Variants in SUPT3H observed in about 807,000 individuals in gnomAD.
SUPT3H encodes transcription initiation protein SPT3 homolog.
In SUPT3H, 44 loss-of-function variants were observed where a neutral mutation model predicts 44.3. That is an observed-to-expected ratio of 0.99 (90% CI 0.78 to 1.28). SUPT3H has a LOEUF of 1.28. Ranked by LOEUF, SUPT3H falls within the 50% of genes most tolerant of loss-of-function variation. The pLI is 0.00. For synonymous variants in SUPT3H, 124 were observed against 125.6 expected (o/e 0.99, Z 0.09); for missense variants, 380 against 387.1 (o/e 0.98, Z 0.15).
At chr6:44,930,560 GT>G (rs1414864849) in intron 10 of SUPT3H, among the ~76,000 whole-genome samples, 1 of 57,190 alleles carries the variant, frequency 1.7e-5, no homozygotes, top group Non-Finnish European at 2.9e-5. Flanking sequence ...GTGAGACTCC[GT>G]CTCAAAAAAA....
chr6:45,173,879 T>A (rs1584013232), intron 2 of SUPT3H, among the ~76,000 whole-genome samples: 2 of 152,354 alleles, frequency 1.3e-5, no homozygotes, highest in Middle Eastern at 6.8e-3. Context: ...AATTTTACAG[T>A]ACTGCTCACC....
At chr6:45,133,096 C>T (rs1287876078) in intron 2 of SUPT3H, among the ~76,000 whole-genome samples, 3 of 152,232 alleles carry the variant, frequency 2.0e-5, no homozygotes, top group African/African-American at 7.2e-5. Flanking sequence ...CAGTTATGAC[C>T]TTGACATGCT....
intron 2 of SUPT3H, among the ~76,000 whole-genome samples, chr6:45,174,583 T>C (rs942400724): frequency 2.6e-5 from 4 of 152,216 alleles, no homozygotes; most frequent in Admixed American, 6.5e-5. Context: ...CAATGCTAAC[T>C]GCTTAAAACA....
At chr6:44,848,819 T>C (rs1423230441) in intron 10 of SUPT3H, among the ~76,000 whole-genome samples, 3 of 152,208 alleles carry the variant, frequency 2.0e-5, no homozygotes, top group Admixed American at 1.3e-4. Flanking sequence ...CTAAATTTCG[T>C]GGTTCAATGA....
intron 2 of SUPT3H, among the ~76,000 whole-genome samples, chr6:45,180,427 AG>A (rs1448782327): frequency 2.7e-5 from 4 of 150,068 alleles, no homozygotes; most frequent in African/African-American, 9.8e-5. Context: ...CTAAGCCAAA[AG>A]AACAAAGCTG....
chr6:45,171,221 A>G (rs950110843), intron 2 of SUPT3H, among the ~76,000 whole-genome samples: 1 of 152,180 alleles, frequency 6.6e-6, no homozygotes, highest in Non-Finnish European at 1.5e-5. Context: ...ATGAAAACAA[A>G]TTTTTATTTG....
chr6:45,309,640 AG>A (rs1417495901), intron 2 of SUPT3H, among the ~76,000 whole-genome samples: 1 of 152,172 alleles, frequency 6.6e-6, no homozygotes. Context: ...ACATATAGGC[AG>A]GGAAAAAAAT....
intron 2 of SUPT3H, among the ~76,000 whole-genome samples, chr6:45,129,804 T>C (rs1281059924): frequency 6.6e-6 from 1 of 152,014 alleles, no homozygotes; most frequent in African/African-American, 2.4e-5. Flanking sequence ...TATTCTCTTT[T>C]GGGGGAATTT....
chr6:45,346,207 C>A (rs1790822106), intron 2 of SUPT3H, among the ~76,000 whole-genome samples: 1 of 151,964 alleles, frequency 6.6e-6, no homozygotes, highest in Non-Finnish European at 1.5e-5. Context: ...GATTCTCACT[C>A]TACTTATGTA....
At chr6:45,210,542 G>C (rs1763922901) in intron 2 of SUPT3H, among the ~76,000 whole-genome samples, 1 of 152,072 alleles carries the variant, frequency 6.6e-6, no homozygotes. Context: ...TGCCTTTCTG[G>C]ACAGAACTAA....
chr6:44,818,305 C>A (rs925862964), intron 11 of SUPT3H, among the ~76,000 whole-genome samples: 2 of 151,778 alleles, frequency 1.3e-5, no homozygotes, highest in African/African-American at 4.8e-5. Flanking sequence ...GTATTAATAC[C>A]ATATACAAAG....
At chr6:45,029,274 A>G (rs1786534503) in intron 3 of SUPT3H, among the ~76,000 whole-genome samples, 2 of 151,506 alleles carry the variant, frequency 1.3e-5, no homozygotes, top group Non-Finnish European at 1.5e-5. Context: ...GGCTATAATT[A>G]CCAGGATCTC....
At position 44,912,690 on chromosome 6, in the gene SUPT3H, A is replaced by G. The variant is rs548590754; in HGVS notation, c.912+19963T>C. 1.2e-4 allele frequency among the ~76,000 whole-genome samples: 19 copies of G among 152,298 alleles called. No individual in the cohort carries two copies. The Middle Eastern group carries it at 0.01, about 82-fold the overall frequency. On this transcript the variant is annotated intron_variant, in intron 10 of 10. Transcript: ENST00000371459. ...GTTCCCTTTACCTCTGGATTCCTAA[A>G]GCACCTAGAACCAATGATGTGAAGT...
At chr6:45,179,573 T>C (rs1812717111) in intron 2 of SUPT3H, among the ~76,000 whole-genome samples, 2 of 152,120 alleles carry the variant, frequency 1.3e-5, no homozygotes, top group East Asian at 1.9e-4. Context: ...GCTGGTTCAA[T>C]ATACGCAAAT....
chr6:45,171,296 T>C (rs536280295), intron 2 of SUPT3H, among the ~76,000 whole-genome samples: 1 of 152,330 alleles, frequency 6.6e-6, no homozygotes, highest in African/African-American at 2.4e-5. Context: ...TGTCATATTA[T>C]TTTCTAAAAT....
intron 2 of SUPT3H, among the ~76,000 whole-genome samples, chr6:45,353,587 A>C (rs1414184324): frequency 6.6e-6 from 1 of 152,106 alleles, no homozygotes; most frequent in Non-Finnish European, 1.5e-5. Context: ...AAGAAAAATT[A>C]TTCTAACTTA....
chr6:44,853,818 G>T (rs1232004101), intron 10 of SUPT3H, among the ~76,000 whole-genome samples: 6 of 151,996 alleles, frequency 3.9e-5, no homozygotes, highest in African/African-American at 1.4e-4. Flanking sequence ...TATTATGCTG[G>T]TAAGAGTGAT....
chr6:44,854,144 T>C (rs1301596867), intron 10 of SUPT3H, among the ~76,000 whole-genome samples: 1 of 152,122 alleles, frequency 6.6e-6, no homozygotes, highest in Non-Finnish European at 1.5e-5. Flanking sequence ...AATCCATGCT[T>C]GGGGCCTGAA....
At chr6:44,832,731 T>C (rs1241503886) in intron 10 of SUPT3H, among the ~76,000 whole-genome samples, 1 of 152,128 alleles carries the variant, frequency 6.6e-6, no homozygotes, top group Non-Finnish European at 1.5e-5. Flanking sequence ...TTGACATTCA[T>C]TTATTCATAC....
Sources: gnomAD v4.1 joint callset for allele counts (sites outside exome capture counted in the v4.1 genomes callset) on GRCh38, gnomAD v4.1.1 for gene constraint, MANE v1.5 for transcripts, NCBI Gene and HGNC (gene_info 2026-07-23, HGNC 2026-07-21) for gene names.